Variants in OR52N2 observed in about 807,000 individuals in gnomAD.
OR52N2 encodes olfactory receptor 52N2.
For missense variants in OR52N2, 326 were observed against 196.6 expected, an observed-to-expected ratio of 1.66 and a Z score of -3.94; for synonymous variants, 129 against 72.0, an observed-to-expected ratio of 1.79 and a Z score of -4.01.
chr11:5,819,208 G>A (rs987908805), intron 1 of OR52N2, among the ~76,000 whole-genome samples: 7 of 140,826 alleles, frequency 5.0e-5, no homozygotes, highest in East Asian at 2.0e-4. Context: ...GTTTTATTCC[G>A]AATAAAAAAA....
At chr11:5,817,381 G>A (rs940995616) in intron 1 of OR52N2, among the ~76,000 whole-genome samples, 1 of 151,876 alleles carries the variant, frequency 6.6e-6, no homozygotes, top group Non-Finnish European at 1.5e-5. Context: ...AAAAAAGTTT[G>A]CAAATACAAC....
intron 1 of OR52N2, among the ~76,000 whole-genome samples, 24 bp downstream of exon 1, chr11:5,809,078 C>G (rs1846331777): frequency 1.3e-5 from 2 of 152,148 alleles, no homozygotes; most frequent in Non-Finnish European, 1.5e-5. Context: ...AGATCCCTTT[C>G]TGAAGGAGAG....
intron 1 of OR52N2, among the ~76,000 whole-genome samples, chr11:5,817,767 T>C (rs1846415183): frequency 6.6e-6 from 1 of 152,158 alleles, no homozygotes; most frequent in African/African-American, 2.4e-5. Context: ...TTCAATAACA[T>C]TTCTATCTAT....
chr11:5,820,069 T>C (rs1846433844), intron 1 of OR52N2, among the ~76,000 whole-genome samples: 1 of 152,156 alleles, frequency 6.6e-6, no homozygotes, highest in South Asian at 2.1e-4. Flanking sequence ...TAAGTGAGGA[T>C]AGTTAATCAA....
chr11:5,814,840 A>C (rs1846389148), intron 1 of OR52N2, among the ~76,000 whole-genome samples: 1 of 152,216 alleles, frequency 6.6e-6, no homozygotes. Flanking sequence ...GTGACAGTAA[A>C]CCAAAACAGT....
intron 1 of OR52N2, among the ~76,000 whole-genome samples, chr11:5,811,356 A>T (rs1005319485): frequency 5.9e-5 from 9 of 152,242 alleles, no homozygotes; most frequent in African/African-American, 1.9e-4. Flanking sequence ...AAATTAATTT[A>T]AAAAATAGAC....
At chr11:5,812,576 A>G (rs1477534358) in intron 1 of OR52N2, among the ~76,000 whole-genome samples, 5 of 151,958 alleles carry the variant, frequency 3.3e-5, no homozygotes, top group African/African-American at 1.2e-4. Flanking sequence ...ACAGAGGGCA[A>G]TTAATCAAGC....
chr11:5,809,596 C>G (rs1404806084), intron 1 of OR52N2, among the ~76,000 whole-genome samples: 1 of 150,218 alleles, frequency 6.7e-6, no homozygotes. Context: ...AAGTTAGCGG[C>G]TAAATCTTTG....
intron 1 of OR52N2, among the ~76,000 whole-genome samples, chr11:5,816,473 G>T (rs1270947343): frequency 2.6e-5 from 4 of 152,028 alleles, no homozygotes; most frequent in Non-Finnish European, 5.9e-5. Flanking sequence ...TGCATAGGAG[G>T]TCTTCATGCA....
chr11:5,812,050 A>T lies in OR52N2; in HGVS notation c.-55+2996A>T, dbSNP rs148261441. On this transcript the variant is annotated intron_variant, in intron 1 of 1. Transcript: ENST00000317037. ...AGAACACATGGACATAGAGAGGGAA[A>T]CAACACACACCAAGGCCTGTTGGGG... 2.1e-3 allele frequency among the ~76,000 whole-genome samples: 325 copies of T among 152,266 alleles called. 1 individual carries two copies. Among genetic ancestry groups the T allele is most frequent in the African/African-American group, 7.4e-3 (306 of 41,538 alleles).
intron 1 of OR52N2, among the ~76,000 whole-genome samples, chr11:5,811,018 T>C (rs1846357150): frequency 4.0e-5 from 6 of 151,544 alleles, no homozygotes; most frequent in Non-Finnish European, 1.5e-5. Context: ...TTGAAAAAAC[T>C]ATTGGCAAAA....
chr11:5,816,562 C>T (rs1846406467), intron 1 of OR52N2, among the ~76,000 whole-genome samples: 1 of 134,758 alleles, frequency 7.4e-6, no homozygotes, highest in Non-Finnish European at 1.7e-5. Flanking sequence ...TTTTGAGAGA[C>T]ACGGTCTCAC....
intron 1 of OR52N2, among the ~76,000 whole-genome samples, chr11:5,814,591 G>C (rs995991119): frequency 3.9e-5 from 6 of 152,024 alleles, no homozygotes; most frequent in Non-Finnish European, 5.9e-5. Flanking sequence ...TTAATAAATG[G>C]AAATACATGC....
intron 1 of OR52N2, among the ~76,000 whole-genome samples, chr11:5,815,260 A>G (rs1846395257): frequency 4.6e-5 from 7 of 152,126 alleles, no homozygotes; most frequent in Admixed American, 4.6e-4. Context: ...TAAATTGTGC[A>G]TCAAAAGATT....
rs1272652141 is a variant in OR52N2 at position 5,820,985 on chromosome 11, CTGTATCTT to C, written c.651_658del (p.Val218HisfsTer88). ...GGTGTGTTTGATATCTGCTGTATCT[CTGTATCTT>C]ACACTATGATTTTGCAGGCTGTTAT... is the stretch of plus-strand genomic sequence containing the variant. On this transcript the variant is annotated frameshift_variant, in exon 2 of 2. Transcript: ENST00000317037. LOFTEE classifies it low-confidence loss of function (END_TRUNC). 2 of 780,952 alleles carry C rather than the reference CTGTATCTT, an allele frequency of 2.6e-6. No individual in the cohort carries two copies. The highest frequency in any genetic ancestry group is 2.2e-4 in the Middle Eastern group (1 of 4,464). The allele number at this position is 780,952 out of a possible 1,614,324, so 48.4% of individuals were successfully genotyped here.
chr11:5,819,231 TA>T (rs1486729548), intron 1 of OR52N2, among the ~76,000 whole-genome samples: 1 of 152,182 alleles, frequency 6.6e-6, no homozygotes, highest in Admixed American at 6.5e-5. Context: ...ATTGAATAAT[TA>T]GGACACTTCA....
At chr11:5,810,781 T>C (rs1846355099) in intron 1 of OR52N2, among the ~76,000 whole-genome samples, 1 of 152,074 alleles carries the variant, frequency 6.6e-6, no homozygotes, top group Non-Finnish European at 1.5e-5. Context: ...CAATCTTTTT[T>C]TTTAACCTAA....
intron 1 of OR52N2, among the ~76,000 whole-genome samples, chr11:5,816,705 A>C (rs754008305): frequency 6.6e-6 from 1 of 151,880 alleles, no homozygotes; most frequent in Non-Finnish European, 1.5e-5. Context: ...ACGCCTGGCT[A>C]ATCTTTGTAT....
At chr11:5,817,980 AC>A (rs1590367485) in intron 1 of OR52N2, among the ~76,000 whole-genome samples, 1 of 152,206 alleles carries the variant, frequency 6.6e-6, no homozygotes, top group African/African-American at 2.4e-5. Flanking sequence ...TGAAATGTGC[AC>A]AAAATAATAC....
Sources: allele counts gnomAD v4.1 joint callset (sites outside exome capture counted in the v4.1 genomes callset), GRCh38; gene constraint gnomAD v4.1.1; transcripts MANE v1.5; gene names NCBI Gene and HGNC (gene_info 2026-07-23, HGNC 2026-07-21).